Variants in PTPN4 observed in about 807,000 individuals in gnomAD.
PTPN4 encodes tyrosine-protein phosphatase non-receptor type 4.
Under a neutral mutation model 135.5 loss-of-function variants are expected in PTPN4, and 49 were observed. The observed-to-expected ratio is 0.36, with a 90% CI of 0.29 to 0.46. PTPN4 has a LOEUF of 0.46. Among genes scored for constraint, PTPN4 ranks in the 20% least tolerant of loss-of-function variants. The probability of loss-of-function intolerance (pLI) is 1.00; values close to 1 mark genes in which losing one functional copy is unlikely to be tolerated. For synonymous variants in PTPN4, 333 were observed against 369.9 expected (o/e 0.90, Z 1.14); for missense variants, 860 against 1,101.0 (o/e 0.78, Z 3.10).
intron 1 of PTPN4, among the ~76,000 whole-genome samples, chr2:119,775,493 G>A (rs1052961043): frequency 2.0e-5 from 3 of 152,248 alleles, no homozygotes; most frequent in East Asian, 1.9e-4. Flanking sequence ...AGTGGTCTGC[G>A]CGCTCTTCCA....
intron 1 of PTPN4, among the ~76,000 whole-genome samples, chr2:119,789,114 A>T (rs1172153231): frequency 6.6e-6 from 1 of 151,232 alleles, no homozygotes; most frequent in Non-Finnish European, 1.5e-5. Flanking sequence ...TAAAGTAGTA[A>T]CCATCTAAAT....
At chr2:119,919,685 G>A (rs1678708889) in intron 11 of PTPN4, among the ~76,000 whole-genome samples, 1 of 152,110 alleles carries the variant, frequency 6.6e-6, no homozygotes, top group Non-Finnish European at 1.5e-5. Flanking sequence ...TTAGCTGGGT[G>A]TGGTGGTGCA....
chr2:119,930,849 A>C (rs1283539013), intron 13 of PTPN4, among the ~76,000 whole-genome samples: 1 of 150,844 alleles, frequency 6.6e-6, no homozygotes, highest in African/African-American at 2.4e-5. Flanking sequence ...TTTTAGCCAT[A>C]CAGAAGTGTA....
intron 11 of PTPN4, chr2:119,915,549 C>G (rs1013277378): frequency 1.6e-5 from 3 of 189,422 alleles, no homozygotes; most frequent in African/African-American, 7.0e-5. Flanking sequence ...ATGAGCATTT[C>G]ATATATCCCT....
intron 1 of PTPN4, among the ~76,000 whole-genome samples, chr2:119,774,398 A>G (rs1474565237): frequency 6.6e-6 from 1 of 152,216 alleles, no homozygotes; most frequent in Non-Finnish European, 1.5e-5. Flanking sequence ...TTTTAAAAGA[A>G]ATCTGTGAAG....
intron 2 of PTPN4, among the ~76,000 whole-genome samples, chr2:119,845,864 A>G (rs3111717): frequency 0.38 from 58,250 of 151,986 alleles, 12,643 homozygotes; most frequent in African/African-American, 0.6. Flanking sequence ...CCTGCATCCC[A>G]TCAAATGTGA....
At chr2:119,865,019 C>T (rs1229609564) in intron 3 of PTPN4, among the ~76,000 whole-genome samples, 1 of 152,110 alleles carries the variant, frequency 6.6e-6, no homozygotes, top group Non-Finnish European at 1.5e-5. Flanking sequence ...TACTTCCTGG[C>T]ATTAGTGAAA....
chr2:119,782,770 A>G (rs566327816), intron 1 of PTPN4, among the ~76,000 whole-genome samples: 11 of 116,312 alleles, frequency 9.5e-5, no homozygotes, highest in Non-Finnish European at 1.8e-4. Flanking sequence ...CAGTGGTATG[A>G]TGATGGCTCA....
intron 18 of PTPN4, among the ~76,000 whole-genome samples, chr2:119,948,992 G>T (rs1679174119): frequency 6.6e-6 from 1 of 152,066 alleles, no homozygotes; most frequent in South Asian, 2.1e-4. Flanking sequence ...TTACATGACA[G>T]TTGTAATAGT....
chr2:119,849,982 C>T (rs542934167), intron 2 of PTPN4, among the ~76,000 whole-genome samples: 61 of 152,320 alleles, frequency 4.0e-4, no homozygotes, highest in African/African-American at 1.3e-3. Flanking sequence ...TTCTTGAGGC[C>T]AATCTTTGAT....
chr2:119,874,770 G>A (rs1308103638), intron 3 of PTPN4, among the ~76,000 whole-genome samples: 2 of 152,072 alleles, frequency 1.3e-5, no homozygotes, highest in Admixed American at 6.5e-5. Context: ...TTTGTGGTGC[G>A]TGAAATATGT....
At chr2:119,897,560 A>T (rs1678343263) in intron 9 of PTPN4, among the ~76,000 whole-genome samples, 1 of 152,210 alleles carries the variant, frequency 6.6e-6, no homozygotes. Context: ...GCTTCATGCT[A>T]TCCTGTAATT....
Position 119,885,271 on chromosome 2 carries a change from T to C in PTPN4, c.588-524T>C, listed in dbSNP as rs560921150. Among the ~76,000 whole-genome samples the C allele has an allele frequency of 3.9e-5, 6 of 152,316 alleles. No homozygotes were observed. The South Asian group carries it at 1.2e-3, about 32-fold the overall frequency. On this transcript the variant is annotated intron_variant, in intron 8 of 26. Coordinates refer to ENST00000263708, the MANE Select transcript of PTPN4 (RefSeq NM_002830.4). ...AAAATACAAGTCCTCATTTGTTTGT[T>C]TTTTTGTTTTGTTTTTTTGCTGTTA...
intron 9 of PTPN4, among the ~76,000 whole-genome samples, chr2:119,893,491 T>G (rs1249717568): frequency 6.6e-6 from 1 of 151,952 alleles, no homozygotes; most frequent in Non-Finnish European, 1.5e-5. Flanking sequence ...AGACCTGGAG[T>G]TGAGAGGAAA....
At chr2:119,831,645 T>A (rs918585403) in intron 2 of PTPN4, among the ~76,000 whole-genome samples, 1 of 152,198 alleles carries the variant, frequency 6.6e-6, no homozygotes, top group Non-Finnish European at 1.5e-5. Flanking sequence ...AGCTCTGAAA[T>A]CTATTTTATT....
At chr2:119,837,960 G>A (rs564046090) in intron 2 of PTPN4, among the ~76,000 whole-genome samples, 21 of 152,302 alleles carry the variant, frequency 1.4e-4, no homozygotes, top group African/African-American at 3.6e-4. Context: ...CACACCCCTC[G>A]CTGCTCCGCG....
chr2:119,975,255 G>A (rs1349113272), intron 26 of PTPN4, among the ~76,000 whole-genome samples: 1 of 152,114 alleles, frequency 6.6e-6, no homozygotes, highest in Non-Finnish European at 1.5e-5. Flanking sequence ...TAGGACTACA[G>A]GCACACACCA....
intron 1 of PTPN4, among the ~76,000 whole-genome samples, chr2:119,787,936 C>G (rs891607334): frequency 2.0e-5 from 3 of 152,052 alleles, no homozygotes; most frequent in African/African-American, 7.2e-5. Flanking sequence ...ATTTTAGGCA[C>G]TGAAGTTTAA....
At chr2:119,952,150 C>T (rs990937027) in intron 19 of PTPN4, 21 bp downstream of exon 19, 1 of 1,591,210 alleles carries the variant, frequency 6.3e-7, no homozygotes, top group Non-Finnish European at 8.6e-7. Flanking sequence ...TATGTAGTAC[C>T]AGATAATTTA....
Sources: gnomAD v4.1 joint callset for allele counts (sites outside exome capture counted in the v4.1 genomes callset) on GRCh38, gnomAD v4.1.1 for gene constraint, MANE v1.5 for transcripts, NCBI Gene and HGNC (gene_info 2026-07-23, HGNC 2026-07-21) for gene names.